The following TRPV4 variants were observed in gnomAD, a reference collection of about 807,000 sequenced individuals.
The protein encoded by TRPV4 is transient receptor potential cation channel subfamily V member 4, also known as OSM9-like transient receptor potential channel 4.
Under a neutral mutation model 84.1 loss-of-function variants are expected in TRPV4, and 58 were observed. The observed-to-expected ratio is 0.69, with a 90% CI of 0.56 to 0.86. TRPV4 has a LOEUF of 0.86. Among genes scored for constraint, TRPV4 ranks in the 40% least tolerant of loss-of-function variants. The pLI, the probability that TRPV4 is intolerant of heterozygous loss-of-function variation, is 0.00. For synonymous variants in TRPV4, 489 were observed against 500.9 expected, an observed-to-expected ratio of 0.98 and a Z score of 0.32; for missense variants, 879 against 1,181.1, an observed-to-expected ratio of 0.74 and a Z score of 3.75.
intron 12 of TRPV4, among the ~76,000 whole-genome samples, chr12:109,791,195 C>T (rs1306574222): frequency 6.6e-6 from 1 of 152,102 alleles, no homozygotes; most frequent in Non-Finnish European, 1.5e-5. Flanking sequence ...CCAGCCTGGC[C>T]AACATAGTGA....
At chr12:109,794,303 C>G in intron 8 of TRPV4, 26 bp downstream of exon 8, 3 of 1,609,592 alleles carry the variant, frequency 1.9e-6, no homozygotes, top group Non-Finnish European at 2.5e-6. Flanking sequence ...CCTGCCCCAG[C>G]CCCTGCCCGG....
intron 4 of TRPV4, among the ~76,000 whole-genome samples, chr12:109,801,439 G>A (rs1890777271): frequency 6.6e-6 from 1 of 152,076 alleles, no homozygotes; most frequent in African/African-American, 2.4e-5. Context: ...ATTCTATAAG[G>A]GGCTTTTCCC....
intron 7 of TRPV4, 60 bp from the exon 8 acceptor site, chr12:109,794,547 G>A: frequency 1.3e-6 from 2 of 1,588,070 alleles, no homozygotes; most frequent in South Asian, 1.1e-5. Context: ...GTCCAGGCAG[G>A]CTGCCTCGGG....
intron 3 of TRPV4, among the ~76,000 whole-genome samples, chr12:109,806,860 CA>C (rs1181923346): frequency 1.4e-3 from 63 of 45,614 alleles, no homozygotes; most frequent in Admixed American, 2.1e-3. Flanking sequence ...GACCCTATCT[CA>C]AAAAAAAAAA....
chr12:109,784,246 A>G, intron 15 of TRPV4, 70 bp downstream of exon 15: 1 of 1,608,446 alleles, frequency 6.2e-7, no homozygotes, highest in South Asian at 1.1e-5. Context: ...GGAAAGAAGC[A>G]GGACTGCTCA....
At chr12:109,819,057 G>A (rs536023523) in intron 1 of TRPV4, among the ~76,000 whole-genome samples, 10 of 151,818 alleles carry the variant, frequency 6.6e-5, no homozygotes, top group East Asian at 3.9e-4. Flanking sequence ...ACTAGCTCAC[G>A]TGTACACATA....
intron 1 of TRPV4, among the ~76,000 whole-genome samples, chr12:109,832,006 C>A (rs1234165035): frequency 6.6e-6 from 1 of 152,180 alleles, no homozygotes; most frequent in African/African-American, 2.4e-5. Context: ...ATGTTTGGGG[C>A]AACGACAACT....
At chr12:109,805,482 C>T (rs1891063095) in intron 3 of TRPV4, among the ~76,000 whole-genome samples, 1 of 152,202 alleles carries the variant, frequency 6.6e-6, no homozygotes, top group Admixed American at 6.5e-5. Context: ...AGTGGCTCTG[C>T]CCAGGGTGGG....
At position 109,793,809 on chromosome 12, in the gene TRPV4, G is replaced by C. The variant is rs1310623983; in HGVS notation, c.1584+121C>G. The C allele has an allele frequency of 3.4e-6, 3 of 882,268 alleles. No individual in the cohort carries two copies. The highest frequency in any genetic ancestry group is 5.2e-5 in the East Asian group (2 of 38,306). The allele number at this position is 882,268 out of a possible 1,614,324, so 54.7% of individuals were successfully genotyped here. A position where few individuals can be genotyped will look rare whatever the true frequency, so the allele number is the denominator to read the frequency against. ...TAGAAGAGAAATGGGAAAATAAAAG[G>C]AGGAAGGAAAGGAGAAGGACCATTT... On this transcript the variant is annotated intron_variant, in intron 9 of 15. Coordinates refer to ENST00000261740, the MANE Select transcript of TRPV4 (RefSeq NM_021625.5). This position sits in a 1 kb window ranked among gnomAD's most constrained non-coding sequence, Gnocchi z 4.0.
At chr12:109,826,576 T>C (rs959477847) in intron 1 of TRPV4, among the ~76,000 whole-genome samples, 2 of 152,238 alleles carry the variant, frequency 1.3e-5, no homozygotes, top group African/African-American at 4.8e-5. Flanking sequence ...AGGAAGTGAA[T>C]GTGGCTAGAC....
At chr12:109,808,640 A>G (rs1891295791) in intron 2 of TRPV4, among the ~76,000 whole-genome samples, 172 bp from the exon 3 acceptor site, 1 of 152,180 alleles carries the variant, frequency 6.6e-6, no homozygotes, top group African/African-American at 2.4e-5. Flanking sequence ...TTTATCCAAC[A>G]AACTATAGCT....
chr12:109,826,395 A>G (rs1892252194), intron 1 of TRPV4, among the ~76,000 whole-genome samples: 2 of 152,202 alleles, frequency 1.3e-5, no homozygotes, highest in African/African-American at 4.8e-5. Flanking sequence ...CAGATGTATA[A>G]AGTCAGTCCC....
In TRPV4 at chr12:109,814,337, T is replaced by G; in HGVS notation, c.386+74A>C. 1 of 1,530,362 alleles carries G rather than the reference T, an allele frequency of 6.5e-7. No homozygotes were observed. Among genetic ancestry groups the G allele is most frequent in the Admixed American group, 1.9e-5 (1 of 53,980 alleles). 94.8% of individuals were successfully genotyped at this position (1,530,362 alleles called of 1,614,324 possible). A position where few individuals can be genotyped will look rare whatever the true frequency, so the allele number is the denominator to read the frequency against. ...AATCGACGGATGGGTGGATAATAGA[T>G]AGAGGGGTGGATGATGAATGGGTGA... On this transcript the variant is annotated intron_variant, in intron 2 of 15. Coordinates refer to ENST00000261740, the MANE Select transcript of TRPV4 (RefSeq NM_021625.5). This position sits in a 1 kb window ranked among gnomAD's most constrained non-coding sequence, Gnocchi z 5.4.
At chr12:109,813,857 A>G (rs1370189377) in intron 2 of TRPV4, among the ~76,000 whole-genome samples, 1 of 152,166 alleles carries the variant, frequency 6.6e-6, no homozygotes, top group Admixed American at 6.5e-5. Context: ...GAATGGATGG[A>G]TGGATGATGG....
chr12:109,792,326 C>T (rs906473246), intron 12 of TRPV4, 37 bp downstream of exon 12: 2 of 1,594,522 alleles, frequency 1.3e-6, no homozygotes, highest in Non-Finnish European at 1.7e-6. Flanking sequence ...GTCCTTGCAC[C>T]ACCCCTGCCA....
In TRPV4 at chr12:109,814,755, C is replaced by T. The variant is rs1462080310; in HGVS notation, c.42G>A (p.Glu14=). Residue 14 remains glutamate (E), a synonymous_variant, in exon 2 of 16, where the codon GAG becomes GAA. Transcript: ENST00000261740. The surrounding 1 kb of genome is among the most constrained non-coding windows in gnomAD (Gnocchi z 5.4). ...SSEGPRAGPG[E]VAELPGDESG... ...TCTCATCCCCGGGGAGCTCAGCCACCTCCCCGGGCCCCGCGCGGGGGCCTT... is the reference window on the plus strand; with the variant it reads ...TCTCATCCCCGGGGAGCTCAGCCACTTCCCCGGGCCCCGCGCGGGGGCCTT... 3 of 1,570,738 alleles carry T rather than the reference C, an allele frequency of 1.9e-6. No individual in the cohort carries two copies. The highest frequency in any genetic ancestry group is 1.9e-5 in the Admixed American group (1 of 53,662).
intron 7 of TRPV4, 56 bp from the exon 8 acceptor site, chr12:109,794,543 G>C: frequency 1.9e-6 from 3 of 1,599,404 alleles, no homozygotes; most frequent in Non-Finnish European, 2.6e-6. Context: ...GGGGGTCCAG[G>C]CAGGCTGCCT....
In TRPV4 at chr12:109,798,501, A is replaced by G. The variant is rs1362165017; in HGVS notation, c.1152+113T>C. ...GGGACATCTGCACACTGGGGTTGGC[A>G]TGTTGGGAGGTGCATGCACGTATTA... On this transcript the variant is annotated intron_variant, in intron 6 of 15. Coordinates refer to ENST00000261740, the MANE Select transcript of TRPV4 (RefSeq NM_021625.5). The surrounding 1 kb of genome is among the most constrained non-coding windows in gnomAD (Gnocchi z 5.0). 2 of 1,342,030 alleles carry G rather than the reference A, an allele frequency of 1.5e-6. No homozygotes were observed. Among genetic ancestry groups the G allele is most frequent in the Non-Finnish European group, 2.1e-6 (2 of 969,764 alleles). The allele number at this position is 1,342,030 out of a possible 1,614,324, so 83.1% of individuals were successfully genotyped here. A position where few individuals can be genotyped will look rare whatever the true frequency, so the allele number is the denominator to read the frequency against.
rs1224032484 is a variant in TRPV4, at chr12:109,806,256, G to A, written c.559+2040C>T. On this transcript the variant is annotated intron_variant, in intron 3 of 15. Coordinates refer to ENST00000261740, the MANE Select transcript of TRPV4 (RefSeq NM_021625.5). ...TTCGCCCAGGCTGGAGTGCAGTGGT[G>A]CAATCTCGGCTCACTGCAACCCCCA... Among the ~76,000 whole-genome samples the A allele has an allele frequency of 4.0e-5, 6 of 151,426 alleles. No individual in the cohort carries two copies. The East Asian group carries it at 1.2e-3, about 30-fold the overall frequency.
Sources: allele counts gnomAD v4.1 joint callset (sites outside exome capture counted in the v4.1 genomes callset), GRCh38; gene constraint gnomAD v4.1.1; non-coding constraint Gnocchi (gnomAD v3.1); transcripts MANE v1.5; gene names NCBI Gene and HGNC (gene_info 2026-07-23, HGNC 2026-07-21).